PDE1A: variants seen among roughly 807,000 people sequenced by gnomAD.
The protein encoded by PDE1A is phosphodiesterase 1A.
PDE1A carries 35 observed loss-of-function variants against 61.7 expected under a neutral mutation model. The observed-to-expected ratio is 0.57, with a 90% confidence interval of 0.43 to 0.75. The LOEUF (loss-of-function observed/expected upper bound fraction) is 0.75. PDE1A is among the 30% of genes least tolerant of loss of function. PDE1A has a pLI of 0.00. For synonymous variants in PDE1A, 232 were observed against 213.2 expected, an observed-to-expected ratio of 1.09 and a Z score of -0.77; for missense variants, 597 against 630.6, an observed-to-expected ratio of 0.95 and a Z score of 0.57.
At chr2:182,470,132 T>A (rs1686934703) in intron 2 of PDE1A, among the ~76,000 whole-genome samples, 1 of 151,842 alleles carries the variant, frequency 6.6e-6, no homozygotes, top group African/African-American at 2.4e-5. Context: ...CAACAGAGGG[T>A]TCCCACTAAC....
At chr2:182,693,213 C>A in the PDE1A span, among the ~76,000 whole-genome samples, 1 of 152,114 alleles carries the variant, frequency 6.6e-6, no homozygotes, top group Non-Finnish European at 1.5e-5. Context: ...AGTGAACTCC[C>A]ATTTATCTAT....
chr2:182,656,971 TC>T, the PDE1A span, among the ~76,000 whole-genome samples: 1 of 152,182 alleles, frequency 6.6e-6, no homozygotes, highest in Non-Finnish European at 1.5e-5. Context: ...ATGCCTGTAA[TC>T]CCAGCACTTT....
chr2:182,529,681 G>A, the PDE1A span, among the ~76,000 whole-genome samples: 19 of 152,130 alleles, frequency 1.2e-4, no homozygotes, highest in Admixed American at 2.6e-4. Context: ...CACATGTTGT[G>A]GGGAGGACCA....
At chr2:182,241,867 C>T (rs1400489850) in intron 2 of PDE1A, 6 of 1,549,416 alleles carry the variant, frequency 3.9e-6, no homozygotes, top group South Asian at 1.2e-5. Flanking sequence ...CCCTAAAACA[C>T]TGAACTAGAA....
the PDE1A span, among the ~76,000 whole-genome samples, chr2:182,566,783 G>T: frequency 6.6e-6 from 1 of 152,060 alleles, no homozygotes; most frequent in Non-Finnish European, 1.5e-5. Flanking sequence ...TCTACCAGTT[G>T]TGAGTTGATT....
At chr2:182,287,136 T>C (rs833158) in intron 1 of PDE1A, among the ~76,000 whole-genome samples, 133,489 of 151,930 alleles carry the variant, frequency 0.88, 58,971 homozygotes, top group African/African-American at 0.95. Context: ...TGTTCCTTGA[T>C]CTTCTGAAAC....
upstream of PDE1A, among the ~76,000 whole-genome samples, chr2:182,527,319 AAAAAAAAAATATATATAT>A (rs1690788300): frequency 2.1e-5 from 1 of 48,346 alleles, no homozygotes; most frequent in African/African-American, 9.2e-5. Flanking sequence ...AAAAAAAAAA[AAAAAAAAAATATATATAT>A]ATATATATAT....
chr2:182,296,773 T>C (rs571345371), intron 1 of PDE1A, among the ~76,000 whole-genome samples: 2 of 152,328 alleles, frequency 1.3e-5, no homozygotes, highest in East Asian at 3.9e-4. Context: ...TAGATTAGTA[T>C]TTAAATTTAT....
the PDE1A span, among the ~76,000 whole-genome samples, chr2:182,644,888 T>C: frequency 5.3e-5 from 8 of 151,736 alleles, no homozygotes; most frequent in Admixed American, 6.6e-5. Context: ...ATTTGAAAAA[T>C]AGATAATAGC....
chr2:182,485,412 C>T (rs371774952), intron 2 of PDE1A, among the ~76,000 whole-genome samples: 4 of 151,884 alleles, frequency 2.6e-5, no homozygotes, highest in South Asian at 4.1e-4. Flanking sequence ...ATACCTATTG[C>T]GTACTGGGCT....
chr2:182,543,809 CTCT>C, the PDE1A span, among the ~76,000 whole-genome samples: 1 of 151,988 alleles, frequency 6.6e-6, no homozygotes, highest in African/African-American at 2.4e-5. Context: ...AACTGAAATG[CTCT>C]TCTTAATAGG....
chr2:182,493,122 T>G (rs1446928942), intron 2 of PDE1A, among the ~76,000 whole-genome samples: 1 of 152,090 alleles, frequency 6.6e-6, no homozygotes, highest in Non-Finnish European at 1.5e-5. Context: ...ACCAGAAACT[T>G]ACAAAACAAA....
intron 2 of PDE1A, among the ~76,000 whole-genome samples, chr2:182,512,916 C>T (rs11678804): frequency 0.41 from 62,804 of 151,936 alleles, 13,405 homozygotes; most frequent in Middle Eastern, 0.54. Context: ...AAAACAATTT[C>T]AAAATGAACA....
chr2:182,241,743 G>C (rs986585609), intron 2 of PDE1A: 3 of 1,035,754 alleles, frequency 2.9e-6, no homozygotes, highest in African/African-American at 3.2e-5. Flanking sequence ...AAAGATACGT[G>C]TATACATATA....
At chr2:182,428,953 G>A (rs145071586), upstream of PDE1A, among the ~76,000 whole-genome samples, 3 of 152,070 alleles carry the variant, frequency 2.0e-5, no homozygotes, top group African/African-American at 7.2e-5. Context: ...CAAACGGCAA[G>A]CAAGTATGAA....
chr2:182,191,846 C>CT (rs142596612), intron 10 of PDE1A, among the ~76,000 whole-genome samples: 61,082 of 146,000 alleles, frequency 0.42, 14,746 homozygotes, highest in East Asian at 0.58. Context: ...GATTTACTTT[C>CT]TTTTTTTTTT....
chr2:182,508,779 T>TTTTTATTTTA lies in PDE1A; in HGVS notation c.101+13487_101+13496dup, dbSNP rs543731232. Among the ~76,000 whole-genome samples, 3 of 149,174 alleles carry TTTTTATTTTA rather than the reference T, an allele frequency of 2.0e-5. No homozygotes were observed. The South Asian group carries it at 6.3e-4, about 31-fold the overall frequency. ...TTTATTTTTTAAAGCTTGTTGATTATTTTTATTTTATTTTATTTTATTTTA... is the reference window on the plus strand; with the variant it reads ...TTTATTTTTTAAAGCTTGTTGATTATTTTTATTTTATTTTATTTTATTTTATTTTATTTTA... On this transcript the variant is annotated intron_variant, in intron 2 of 14. Coordinates refer to the PDE1A transcript ENST00000410103.
chr2:182,386,773 G>A (rs1157360458), intron 1 of PDE1A, among the ~76,000 whole-genome samples: 3 of 151,022 alleles, frequency 2.0e-5, no homozygotes, highest in African/African-American at 4.9e-5. Flanking sequence ...GCCCCCACCC[G>A]GCCAGCCGCC....
chr2:182,443,467 G>A (rs183202392), intron 2 of PDE1A, among the ~76,000 whole-genome samples: 85 of 151,882 alleles, frequency 5.6e-4, no homozygotes, highest in African/African-American at 1.9e-3. Context: ...TCATGGGGGC[G>A]GATCTCCCCC....
Sources: gnomAD v4.1 joint callset for allele counts (sites outside exome capture counted in the v4.1 genomes callset) on GRCh38, gnomAD v4.1.1 for gene constraint, MANE v1.5 for transcripts, NCBI Gene and HGNC (gene_info 2026-07-23, HGNC 2026-07-21) for gene names.